The following SLC2A9 variants were observed in gnomAD, a reference collection of about 807,000 sequenced individuals.
The protein encoded by SLC2A9 is solute carrier family 2, facilitated glucose transporter member 9.
Under a neutral mutation model 50.6 loss-of-function variants are expected in SLC2A9, and 39 were observed. That is an observed-to-expected ratio of 0.77 (90% confidence interval 0.60 to 1.01). The LOEUF is 1.01. SLC2A9 is among the 50% of genes least tolerant of loss of function. The probability of loss-of-function intolerance (pLI) is 0.00; values close to 1 mark genes in which losing one functional copy is unlikely to be tolerated. For synonymous variants in SLC2A9, 324 were observed against 276.9 expected, an observed-to-expected ratio of 1.17 and a Z score of -1.69; for missense variants, 686 against 677.6, an observed-to-expected ratio of 1.01 and a Z score of -0.14.
chr4:9,872,111 C>T (rs1346074140), intron 10 of SLC2A9, among the ~76,000 whole-genome samples: 2 of 152,190 alleles, frequency 1.3e-5, no homozygotes, highest in Non-Finnish European at 1.5e-5. Flanking sequence ...TTCTGAAGTG[C>T]AGCCATGTAG....
chr4:9,972,762 T>A (rs1754117511), intron 5 of SLC2A9, among the ~76,000 whole-genome samples: 1 of 152,118 alleles, frequency 6.6e-6, no homozygotes, highest in African/African-American at 2.4e-5. Flanking sequence ...AACAGAGACA[T>A]AACATACCAA....
chr4:9,795,177 G>T (rs1720451127), downstream of SLC2A9, among the ~76,000 whole-genome samples: 1 of 151,708 alleles, frequency 6.6e-6, no homozygotes. Flanking sequence ...CACTCAGCTA[G>T]CATTTTTGTA....
chr4:9,834,842 AGG>A, intron 11 of SLC2A9, 37 bp downstream of exon 11: 1 of 1,613,942 alleles, frequency 6.2e-7, no homozygotes, highest in South Asian at 1.1e-5. Flanking sequence ...GCAGAATCAA[AGG>A]GAACCCCATG....
At chr4:9,794,545 C>G (rs1720356104), downstream of SLC2A9, among the ~76,000 whole-genome samples, 1 of 152,242 alleles carries the variant, frequency 6.6e-6, no homozygotes, top group African/African-American at 2.4e-5. Context: ...AAGCTCCTCA[C>G]TCAGGGTCAC....
rs774074036 is a variant in SLC2A9 at position 9,826,410 on chromosome 4, T to A, written c.1610A>T (p.Asn537Ile). 2.5e-6 allele frequency: 4 copies of A among 1,614,074 alleles called. No homozygotes were observed. In the South Asian group the frequency reaches 4.4e-5, roughly 18 times the overall value. ...GGAGGAAACTTGTTAAGGCCTTCCA[T>A]TTATCTTACCATCAGTGACAGCTGA... ...IDSAVTDGKINGRP is the reference protein window; with the variant it reads ...IDSAVTDGKIIGRP The change falls in exon 12 of 12, where the codon AAT (asparagine) becomes ATT (isoleucine). Residue 537 changes from asparagine (N) to isoleucine (I), a missense_variant. Asn to Ile is a moderately radical substitution (Grantham distance 149). Transcript: ENST00000264784.
chr4:9,975,191 C>T (rs182601631), intron 5 of SLC2A9, among the ~76,000 whole-genome samples: 2 of 152,076 alleles, frequency 1.3e-5, no homozygotes, highest in East Asian at 3.9e-4. Context: ...GGACATTGGC[C>T]TTGGGAAAGA....
chr4:9,826,404 C>T lies in SLC2A9; in HGVS notation c.1616G>A (p.Arg539Lys), dbSNP rs768268247. The change falls in exon 12 of 12, where the codon AGG (arginine) becomes AAG (lysine). Residue 539 changes from arginine (R) to lysine (K), a missense_variant. Physicochemically the swap from Arg to Lys is conservative, Grantham distance 26. Coordinates refer to ENST00000264784, the MANE Select transcript of SLC2A9 (RefSeq NM_020041.3). ...SAVTDGKING[R>K]P is the part of the protein sequence containing the mutation. ...CGTGGAGGAGGAAACTTGTTAAGGC[C>T]TTCCATTTATCTTACCATCAGTGAC... is the stretch of plus-strand genomic sequence containing the variant. 3 of 1,614,016 alleles carry T rather than the reference C, an allele frequency of 1.9e-6. No homozygotes were observed. The highest frequency in any genetic ancestry group is 1.3e-5 in the African/African-American group (1 of 75,030).
chr4:9,803,718 T>A (rs1721760203), intron 3 of SLC2A9, among the ~76,000 whole-genome samples: 1 of 152,244 alleles, frequency 6.6e-6, no homozygotes, highest in Non-Finnish European at 1.5e-5. Context: ...CCCCATAGAA[T>A]GTCAGCACTA....
At chr4:10,039,725 G>A (rs1276969084) in intron 1 of SLC2A9, among the ~76,000 whole-genome samples, 1 of 152,132 alleles carries the variant, frequency 6.6e-6, no homozygotes, top group Non-Finnish European at 1.5e-5. Context: ...TCTCACCATG[G>A]CCCATCTCCA....
intron 3 of SLC2A9, among the ~76,000 whole-genome samples, chr4:9,801,209 T>A (rs1459475852): frequency 6.6e-6 from 1 of 151,824 alleles, no homozygotes; most frequent in African/African-American, 2.4e-5. Context: ...TGAGCAAAGC[T>A]ATCCTAGACT....
At chr4:9,907,589 T>C (rs965428902) in intron 8 of SLC2A9, among the ~76,000 whole-genome samples, 6 of 152,250 alleles carry the variant, frequency 3.9e-5, no homozygotes, top group African/African-American at 1.4e-4. Flanking sequence ...AGATGACTGC[T>C]AATGGTTTTG....
At chr4:9,889,707 A>AATTT (rs1737003817) in intron 9 of SLC2A9, among the ~76,000 whole-genome samples, 1 of 152,186 alleles carries the variant, frequency 6.6e-6, no homozygotes, top group Non-Finnish European at 1.5e-5. Context: ...TGCACCTATC[A>AATTT]ATTTCCAGAT....
chr4:9,959,395 CAA>C (rs397973896), intron 5 of SLC2A9, among the ~76,000 whole-genome samples: 14 of 124,844 alleles, frequency 1.1e-4, no homozygotes, highest in Admixed American at 2.4e-4. Context: ...AACTCTGTCT[CAA>C]AAAAAAAAAA....
At chr4:10,008,649 A>C (rs1443589778) in intron 2 of SLC2A9, among the ~76,000 whole-genome samples, 1 of 152,232 alleles carries the variant, frequency 6.6e-6, no homozygotes, top group African/African-American at 2.4e-5. Flanking sequence ...TTCAGAAAAA[A>C]GAGTGGATTT....
chr4:9,963,637 C>T (rs540636511), intron 5 of SLC2A9, among the ~76,000 whole-genome samples: 1 of 152,254 alleles, frequency 6.6e-6, no homozygotes, highest in East Asian at 1.9e-4. Flanking sequence ...GAGGGCCTCT[C>T]AAGAGGCCCC....
chr4:10,008,299 A>C (rs2109401498), intron 2 of SLC2A9, among the ~76,000 whole-genome samples: 1 of 152,284 alleles, frequency 6.6e-6, no homozygotes, highest in South Asian at 2.1e-4. Flanking sequence ...GTGCGGGGGG[A>C]GTTGGCACTC....
intron 7 of SLC2A9, among the ~76,000 whole-genome samples, chr4:9,915,650 A>G (rs538014140): frequency 5.3e-5 from 8 of 152,204 alleles, no homozygotes; most frequent in Non-Finnish European, 1.2e-4. Flanking sequence ...CAAAAGTTCA[A>G]TGTTGCAAGC....
chr4:9,994,578 T>G (rs1484935227), intron 3 of SLC2A9, among the ~76,000 whole-genome samples: 1 of 151,414 alleles, frequency 6.6e-6, no homozygotes, highest in East Asian at 1.9e-4. Flanking sequence ...TTTTTTTTTT[T>G]TTTTGTTGCC....
At chr4:9,844,234 A>T (rs935856424) in intron 10 of SLC2A9, among the ~76,000 whole-genome samples, 1 of 148,562 alleles carries the variant, frequency 6.7e-6, no homozygotes, top group Non-Finnish European at 1.5e-5. Flanking sequence ...GGATTGAGGT[A>T]TATGTCCCTC....
Sources: gnomAD v4.1 joint callset for allele counts (sites outside exome capture counted in the v4.1 genomes callset) on GRCh38, gnomAD v4.1.1 for gene constraint, MANE v1.5 for transcripts, NCBI Gene and HGNC (gene_info 2026-07-23, HGNC 2026-07-21) for gene names.